Variants in UNC13C observed in about 807,000 individuals in gnomAD.
UNC13C encodes protein unc-13 homolog C.
A neutral mutation model predicts 245.4 loss-of-function variants in UNC13C; 174 were observed. The ratio of observed to expected loss-of-function variants is 0.71; its 90% CI spans 0.63 to 0.80. UNC13C has a LOEUF of 0.80. Among genes scored for constraint, UNC13C ranks in the 30% least tolerant of loss-of-function variants. The pLI, the probability that UNC13C is intolerant of heterozygous loss-of-function variation, is 0.00. For synonymous variants in UNC13C, 992 were observed against 895.1 expected, an observed-to-expected ratio of 1.11 and a Z score of -1.93; for missense variants, 2,829 against 2,602.9, an observed-to-expected ratio of 1.09 and a Z score of -1.89.
At chr15:54,439,684 T>C (rs1029776305) in intron 19 of UNC13C, among the ~76,000 whole-genome samples, 2 of 151,944 alleles carry the variant, frequency 1.3e-5, no homozygotes, top group Non-Finnish European at 2.9e-5. Flanking sequence ...ATTTATGGGG[T>C]ACATGTGATA....
chr15:54,464,465 T>C lies in UNC13C; in HGVS notation c.4934-30143T>C, dbSNP rs183844212. Among the ~76,000 whole-genome samples the C allele has an allele frequency of 1.8e-4, 27 of 152,260 alleles. 1 individual carries two copies. The highest frequency in any genetic ancestry group is 1.0e-3 in the Admixed American group (16 of 15,294). ...TTCTTGAAAATAAACATTATAATTA[T>C]TTATTAGTTGACTGTACATAAAACA... On this transcript the variant is annotated intron_variant, in intron 19 of 32. Coordinates refer to ENST00000260323, the MANE Select transcript of UNC13C (RefSeq NM_001080534.3).
At chr15:54,294,093 C>T (rs142474296) in intron 11 of UNC13C, 29 bp downstream of exon 11, 37 of 1,473,964 alleles carry the variant, frequency 2.5e-5, no homozygotes, top group East Asian at 2.5e-5. Context: ...TACTTGAAAA[C>T]GAGTTAAATA....
chr15:54,403,338 C>G (rs2040226337), intron 18 of UNC13C, among the ~76,000 whole-genome samples: 1 of 151,978 alleles, frequency 6.6e-6, no homozygotes, highest in South Asian at 2.1e-4. Context: ...CCTAGGAGTT[C>G]AAGGCTGAAG....
At chr15:54,296,439 C>T (rs990786967) in intron 11 of UNC13C, among the ~76,000 whole-genome samples, 1 of 147,298 alleles carries the variant, frequency 6.8e-6, no homozygotes, top group African/African-American at 2.6e-5. Context: ...AGAATGGTCT[C>T]GATCTCCTGA....
intron 13 of UNC13C, among the ~76,000 whole-genome samples, chr15:54,314,285 G>T (rs1000569151): frequency 6.6e-6 from 1 of 151,646 alleles, no homozygotes. Context: ...AGAGCAAAGC[G>T]AATAGATTTT....
At chr15:54,469,079 C>G (rs1460952876) in intron 19 of UNC13C, among the ~76,000 whole-genome samples, 1 of 151,484 alleles carries the variant, frequency 6.6e-6, no homozygotes. Flanking sequence ...TAAGGGATGT[C>G]TATTTTCTCA....
chr15:54,090,809 T>C (rs1045883198), intron 2 of UNC13C, among the ~76,000 whole-genome samples: 24 of 152,272 alleles, frequency 1.6e-4, no homozygotes, highest in Non-Finnish European at 3.1e-4. Flanking sequence ...CTAAGTTGCC[T>C]GAGACTTTGG....
chr15:53,988,884 G>A (rs1894260955), intron 1 of UNC13C, among the ~76,000 whole-genome samples: 1 of 151,954 alleles, frequency 6.6e-6, no homozygotes, highest in Non-Finnish European at 1.5e-5. Context: ...TGAAGCTGGT[G>A]CCCAGTAAAT....
chr15:53,973,371 A>C (rs1002103388), upstream of UNC13C, among the ~76,000 whole-genome samples: 1 of 152,162 alleles, frequency 6.6e-6, no homozygotes, highest in African/African-American at 2.4e-5. Context: ...TACATGGATT[A>C]TCTCATTTGA....
intron 2 of UNC13C, among the ~76,000 whole-genome samples, chr15:54,085,232 C>A (rs1027888077): frequency 6.6e-6 from 1 of 152,074 alleles, no homozygotes; most frequent in African/African-American, 2.4e-5. Context: ...CAAAAATATA[C>A]AAAGATATGC....
At chr15:54,451,895 T>C (rs1254753563) in intron 19 of UNC13C, among the ~76,000 whole-genome samples, 1 of 152,224 alleles carries the variant, frequency 6.6e-6, no homozygotes, top group Non-Finnish European at 1.5e-5. Flanking sequence ...CCTCTTCCAA[T>C]TTTTTGGATT....
chr15:54,466,708 G>A (rs1465616229), intron 19 of UNC13C, among the ~76,000 whole-genome samples: 2 of 151,896 alleles, frequency 1.3e-5, no homozygotes, highest in African/African-American at 4.8e-5. Context: ...GCGTATCAGT[G>A]TTCCATGGAC....
At chr15:54,508,609 C>A (rs921664098) in intron 23 of UNC13C, among the ~76,000 whole-genome samples, 1 of 152,084 alleles carries the variant, frequency 6.6e-6, no homozygotes, top group Non-Finnish European at 1.5e-5. Context: ...TTACTAATAT[C>A]TTGACCAGCC....
chr15:54,608,027 C>G (rs1464346498), intron 30 of UNC13C, among the ~76,000 whole-genome samples: 4 of 152,002 alleles, frequency 2.6e-5, no homozygotes, highest in African/African-American at 9.7e-5. Flanking sequence ...AAACAAAAAG[C>G]CAGTTTCTCT....
intron 18 of UNC13C, among the ~76,000 whole-genome samples, chr15:54,408,224 A>AAAAAAAAAAAAG: frequency 6.7e-6 from 1 of 148,522 alleles, no homozygotes; most frequent in Non-Finnish European, 1.5e-5. Context: ...AAAAAAAAAA[A>AAAAAAAAAAAAG]AAAAACATGG....
intron 26 of UNC13C, among the ~76,000 whole-genome samples, chr15:54,538,690 C>G (rs1309171271): frequency 6.6e-6 from 1 of 151,928 alleles, no homozygotes; most frequent in East Asian, 1.9e-4. Context: ...ATCATGACCT[C>G]TGCGGCAACA....
At chr15:54,450,759 G>A (rs766023677) in intron 19 of UNC13C, among the ~76,000 whole-genome samples, 18 of 152,138 alleles carry the variant, frequency 1.2e-4, no homozygotes, top group Admixed American at 2.0e-4. Flanking sequence ...CTCACGCTCG[G>A]TGCACTGCGC....
chr15:54,618,376 G>C (rs1900576801), intron 30 of UNC13C, among the ~76,000 whole-genome samples: 1 of 152,110 alleles, frequency 6.6e-6, no homozygotes, highest in East Asian at 1.9e-4. Flanking sequence ...TCACATGTAG[G>C]CTAATCCCTA....
intron 25 of UNC13C, 75 bp downstream of exon 25, chr15:54,525,712 G>C (rs1895420614): frequency 8.1e-7 from 1 of 1,229,682 alleles, no homozygotes; most frequent in Non-Finnish European, 1.2e-6. Context: ...CTTCAATGCT[G>C]TTTCCTCTGA....
Sources: gnomAD v4.1 joint callset for allele counts (sites outside exome capture counted in the v4.1 genomes callset) on GRCh38, gnomAD v4.1.1 for gene constraint, MANE v1.5 for transcripts, NCBI Gene and HGNC (gene_info 2026-07-23, HGNC 2026-07-21) for gene names.